The following KCNQ1OT1 variants were observed in gnomAD, a reference collection of about 807,000 sequenced individuals.
KCNQ1OT1 encodes KCNQ1 opposite strand/antisense transcript 1.
chr11:2,684,108 CAT>C, exon 1 of KCNQ1OT1: 1 of 398,606 alleles, frequency 2.5e-6, no homozygotes, highest in Admixed American at 4.4e-5. Context: ...AACCCTTTCA[CAT>C]AGATTCTTAA....
rs946447352 is a variant in KCNQ1OT1, at chr11:2,616,961, GTGTT to G, written n.83030_83033del. 60 of 338,290 alleles carry G rather than the reference GTGTT, an allele frequency of 1.8e-4. 1 individual carries two copies. Among genetic ancestry groups the G allele is most frequent in the African/African-American group, 1.1e-3 (37 of 33,672 alleles). 21.0% of individuals were successfully genotyped at this position (338,290 alleles called of 1,614,324 possible). On this transcript the variant is annotated non_coding_transcript_exon_variant, in exon 1 of 1. Transcript: ENST00000597346. ...CTGTCTGGCTGTACATTATCTTGTT[GTGTT>G]TTTTTTTTTTAATTTTAAAAATATG...
In KCNQ1OT1 at chr11:2,695,132, A is replaced by G; in HGVS notation, n.4863T>C. ...GCAGGAGAGTCATGGAGGCACATTC[A>G]TTCGTTGGTTCTTGGCTTTTGGGAC... On this transcript the variant is annotated non_coding_transcript_exon_variant, in exon 1 of 1. Transcript: ENST00000597346. This position sits in a 1 kb window ranked among gnomAD's most constrained non-coding sequence, Gnocchi z 5.2. 2.5e-6 allele frequency: 1 copy of G among 398,662 alleles called. No homozygotes were observed. The highest frequency in any genetic ancestry group is 4.4e-6 in the Non-Finnish European group (1 of 226,098). 24.7% of individuals were successfully genotyped at this position (398,662 alleles called of 1,614,324 possible).
exon 1 of KCNQ1OT1, chr11:2,688,111 T>C (rs896167160): frequency 1.0e-5 from 4 of 398,446 alleles, no homozygotes; most frequent in African/African-American, 4.1e-5. Context: ...GGGGACCTGG[T>C]GGGGGTGGGG....
In KCNQ1OT1 at chr11:2,623,726, A is replaced by G. The variant is rs941382681; in HGVS notation, n.76269T>C. 5.0e-6 allele frequency: 2 copies of G among 398,592 alleles called. No individual in the cohort carries two copies. Among genetic ancestry groups the G allele is most frequent in the Admixed American group, 4.4e-5 (1 of 22,734 alleles). The allele number at this position is 398,592 out of a possible 1,614,324, so 24.7% of individuals were successfully genotyped here. A position where few individuals can be genotyped will look rare whatever the true frequency, so the allele number is the denominator to read the frequency against. ...CAACAATCACAAATAAAGCTTCTGT[A>G]AACATCTCTGTGCAGATTTTTATGT... On this transcript the variant is annotated non_coding_transcript_exon_variant, in exon 1 of 1. Transcript: ENST00000597346. The surrounding 1 kb of genome is among the most constrained non-coding windows in gnomAD (Gnocchi z 5.2).
At position 2,671,227 on chromosome 11, in the gene KCNQ1OT1, G is replaced by A. The variant is rs1850178280; in HGVS notation, n.28768C>T. 2 of 398,478 alleles carry A rather than the reference G, an allele frequency of 5.0e-6. No homozygotes were observed. Among genetic ancestry groups the A allele is most frequent in the Non-Finnish European group, 8.8e-6 (2 of 226,086 alleles). 24.7% of individuals were successfully genotyped at this position (398,478 alleles called of 1,614,324 possible). The stretch of plus-strand genomic sequence containing the variant: ...GGTAGAGAGACAGAGGTAGACAGGA[G>A]TCCAGGTCTGACCTCAAAATCCGAT... On this transcript the variant is annotated non_coding_transcript_exon_variant, in exon 1 of 1. Coordinates refer to ENST00000597346, the Ensembl canonical transcript of KCNQ1OT1. This position sits in a 1 kb window ranked among gnomAD's most constrained non-coding sequence, Gnocchi z 4.7.
chr11:2,620,818 G>A lies in KCNQ1OT1; in HGVS notation n.79177C>T, dbSNP rs886240118. Reference sequence around the variant, plus strand: ...TTGTATTCCTGCCAACAGTGTATAAGCGTTCCCTTTTCTCTGCAGCCTTCC... The same window carrying A: ...TTGTATTCCTGCCAACAGTGTATAAACGTTCCCTTTTCTCTGCAGCCTTCC... On this transcript the variant is annotated non_coding_transcript_exon_variant, in exon 1 of 1. Coordinates refer to ENST00000597346, the Ensembl canonical transcript of KCNQ1OT1. This position sits in a 1 kb window ranked among gnomAD's most constrained non-coding sequence, Gnocchi z 4.5. The A allele has an allele frequency of 1.3e-4, 51 of 398,446 alleles. No homozygotes were observed. The highest frequency in any genetic ancestry group is 1.0e-3 in the African/African-American group (50 of 48,598). The allele number at this position is 398,446 out of a possible 1,614,324, so 24.7% of individuals were successfully genotyped here. A position where few individuals can be genotyped will look rare whatever the true frequency, so the allele number is the denominator to read the frequency against.
rs1590010176 is a variant in KCNQ1OT1 at position 2,655,575 on chromosome 11, G to C, written n.44420C>G. ...TTCAGGCTGTGAAATACCCACTTCA[G>C]AGGTGGGGGTGACAAGCAAGACCTG... On this transcript the variant is annotated non_coding_transcript_exon_variant, in exon 1 of 1. Coordinates refer to ENST00000597346, the Ensembl canonical transcript of KCNQ1OT1. The C allele has an allele frequency of 4.0e-5, 16 of 398,570 alleles. No individual in the cohort carries two copies. The East Asian group carries it at 5.7e-4, about 14-fold the overall frequency. 24.7% of individuals were successfully genotyped at this position (398,570 alleles called of 1,614,324 possible).
chr11:2,630,593 T>C (rs1849337081), exon 1 of KCNQ1OT1: 2 of 398,370 alleles, frequency 5.0e-6, no homozygotes, highest in South Asian at 1.3e-4. Flanking sequence ...TTTTAACCTT[T>C]ATACTAGAGT....
exon 1 of KCNQ1OT1, chr11:2,618,650 C>G: frequency 2.5e-6 from 1 of 398,476 alleles, no homozygotes; most frequent in Non-Finnish European, 4.4e-6. Flanking sequence ...TTTTTCAGAA[C>G]AGAATTTTCA....
At position 2,659,840 on chromosome 11, in the gene KCNQ1OT1, TTATG is replaced by T. The variant is rs1156543983; in HGVS notation, n.40151_40154del. The T allele has an allele frequency of 1.3e-5, 5 of 398,384 alleles. No individual in the cohort carries two copies. The highest frequency in any genetic ancestry group is 2.1e-5 in the African/African-American group (1 of 48,626). The allele number at this position is 398,384 out of a possible 1,614,324, so 24.7% of individuals were successfully genotyped here. A position where few individuals can be genotyped will look rare whatever the true frequency, so the allele number is the denominator to read the frequency against. On this transcript the variant is annotated non_coding_transcript_exon_variant, in exon 1 of 1. Transcript: ENST00000597346. This position sits in a 1 kb window ranked among gnomAD's most constrained non-coding sequence, Gnocchi z 4.3. ...ATTTGCATTTCCATATTTATGTTAA[TTATG>T]TATCTTTTCATGTGCTTATTTATAA...
At chr11:2,646,387 A>AT (rs1384496662) in exon 1 of KCNQ1OT1, 15 of 398,446 alleles carry the variant, frequency 3.8e-5, no homozygotes, top group Non-Finnish European at 6.2e-5. Flanking sequence ...TGTTATCAGT[A>AT]TTTTATAGTT....
At chr11:2,629,260 G>C (rs566048083) in exon 1 of KCNQ1OT1, 1 of 398,272 alleles carries the variant, frequency 2.5e-6, no homozygotes, top group Admixed American at 4.4e-5. Context: ...TATCATCTTA[G>C]AATTTGTTCA....
rs547734938 is a variant in KCNQ1OT1 at position 2,628,702 on chromosome 11, T to A, written n.71293A>T. 4 of 398,420 alleles carry A rather than the reference T, an allele frequency of 1.0e-5. No homozygotes were observed. In the Admixed American group the frequency reaches 1.8e-4, roughly 18 times the overall value. The allele number at this position is 398,420 out of a possible 1,614,324, so 24.7% of individuals were successfully genotyped here. A position where few individuals can be genotyped will look rare whatever the true frequency, so the allele number is the denominator to read the frequency against. On this transcript the variant is annotated non_coding_transcript_exon_variant, in exon 1 of 1. Transcript: ENST00000597346. ...TGCTTTTGATGTCACATCTAAAAAA[T>A]TGTCACAAAAACCAATGGCAAGGAG...
chr11:2,617,246 C>T lies in KCNQ1OT1; in HGVS notation n.82749G>A, dbSNP rs1849082611. The stretch of plus-strand genomic sequence containing the variant: ...CCATTTTCTTCCCCCACACCTTGCC[C>T]ATGGTAACCACTAGTTTATTCTATC... On this transcript the variant is annotated non_coding_transcript_exon_variant, in exon 1 of 1. Transcript: ENST00000597346. The surrounding 1 kb of genome is among the most constrained non-coding windows in gnomAD (Gnocchi z 4.6). 2.5e-6 allele frequency: 1 copy of T among 398,236 alleles called. No homozygotes were observed. The highest frequency in any genetic ancestry group is 4.4e-6 in the Non-Finnish European group (1 of 225,944). 24.7% of individuals were successfully genotyped at this position (398,236 alleles called of 1,614,324 possible).
At chr11:2,675,886 T>A in exon 1 of KCNQ1OT1, 1 of 398,710 alleles carries the variant, frequency 2.5e-6, no homozygotes, top group Non-Finnish European at 4.4e-6. Flanking sequence ...AATCGTGCTT[T>A]ATGTATTCAA....
At chr11:2,618,041 G>A (rs1589984323) in exon 1 of KCNQ1OT1, 1 of 398,364 alleles carries the variant, frequency 2.5e-6, no homozygotes, top group Non-Finnish European at 4.4e-6. Context: ...TAGTTTGATG[G>A]TATACCAATT....
chr11:2,615,985 G>T, exon 1 of KCNQ1OT1: 1 of 398,096 alleles, frequency 2.5e-6, no homozygotes, highest in Non-Finnish European at 4.4e-6. Flanking sequence ...CGCCATCTGT[G>T]TAGCATTTTC....
exon 1 of KCNQ1OT1, chr11:2,650,754 C>T (rs1849744411): frequency 2.5e-6 from 1 of 398,504 alleles, no homozygotes; most frequent in Non-Finnish European, 4.4e-6. Context: ...CTTTGCTACC[C>T]ACAGGCAATT....
In KCNQ1OT1 at chr11:2,620,199, G is replaced by C. The variant is rs923355191; in HGVS notation, n.79796C>G. 1 of 293,728 alleles carries C rather than the reference G, an allele frequency of 3.4e-6. No homozygotes were observed. The highest frequency in any genetic ancestry group is 5.6e-6 in the Non-Finnish European group (1 of 177,370). 18.2% of individuals were successfully genotyped at this position (293,728 alleles called of 1,614,324 possible). ...CTGCAAAGGACGTAAGTTCATTCAT[G>C]TATATATATATATTTTTTTTTTTTA... On this transcript the variant is annotated non_coding_transcript_exon_variant, in exon 1 of 1. Coordinates refer to ENST00000597346, the Ensembl canonical transcript of KCNQ1OT1. The surrounding 1 kb of genome is among the most constrained non-coding windows in gnomAD (Gnocchi z 4.5).
Sources: gnomAD v4.1 joint callset for allele counts on GRCh38, gnomAD v4.1.1 for gene constraint, Gnocchi (gnomAD v3.1) non-coding constraint, MANE v1.5 for transcripts, NCBI Gene and HGNC (gene_info 2026-07-23, HGNC 2026-07-21) for gene names.